The following SNX19 variants were observed in gnomAD, a reference collection of about 807,000 sequenced individuals.
SNX19 encodes sorting nexin 19, also known as sorting nexin-19.
Under a neutral mutation model 85.2 loss-of-function variants are expected in SNX19, and 60 were observed. That is an observed-to-expected ratio of 0.70 (90% CI 0.57 to 0.87). The LOEUF is 0.87. SNX19 is among the 40% of genes least tolerant of loss of function. SNX19 has a pLI of 0.00. For missense variants in SNX19, 1,201 were observed against 1,217.8 expected (o/e 0.99, Z 0.21); for synonymous variants, 520 against 470.0 (o/e 1.11, Z -1.38).
At position 130,874,026 on chromosome 11, in the gene SNX19, GTT is replaced by G. The variant is rs755484465; in HGVS notation, c.*4394_*4395del. Among the ~76,000 whole-genome samples, 1 of 113,192 alleles carries G rather than the reference GTT, an allele frequency of 8.8e-6. No homozygotes were observed. The allele number at this position is 113,192 out of a possible 152,430, so 74.3% of individuals were successfully genotyped here. On this transcript the variant is annotated 3_prime_UTR_variant, in exon 11 of 11. Transcript: ENST00000265909. The stretch of plus-strand genomic sequence containing the variant: ...GCCAATGAGTCATAAGAGGTTTTTT[GTT>G]TTTTTTTTTTTTATTTGGGGTCTCA...
rs1487630617 is a variant in SNX19 at position 130,911,648 on chromosome 11, G to A, written c.1798C>T (p.Arg600Ter). 3.7e-6 allele frequency: 6 copies of A among 1,613,990 alleles called. No individual in the cohort carries two copies. Among genetic ancestry groups the A allele is most frequent in the South Asian group, 2.2e-5 (2 of 91,078 alleles). The change falls in exon 2 of 11, where the codon CGA becomes TGA. Residue 600 changes from arginine to a stop codon, truncating the protein, a stop_gained. Coordinates refer to ENST00000265909, the MANE Select transcript of SNX19 (RefSeq NM_014758.3). LOFTEE classifies it high-confidence loss of function. ...AACTCCTGACTTTTGATGAACTTTCGTAGATCTGGTTTCTCCTCCAGACGG... is the reference window on the plus strand; with the variant it reads ...AACTCCTGACTTTTGATGAACTTTCATAGATCTGGTTTCTCCTCCAGACGG... ...QTRLEEKPDL[R>*]KFIKNVKGPK...
At chr11:130,892,579 C>T (rs1310413775) in intron 8 of SNX19, among the ~76,000 whole-genome samples, 1 of 152,204 alleles carries the variant, frequency 6.6e-6, no homozygotes, top group Non-Finnish European at 1.5e-5. Context: ...CCTCAGTTTT[C>T]TCACTTGTAA....
At chr11:130,912,754 G>A (rs12146655) in intron 1 of SNX19, among the ~76,000 whole-genome samples, 10,100 of 152,192 alleles carry the variant, frequency 0.066, 369 homozygotes, top group African/African-American at 0.083. Flanking sequence ...AAGAGCAACA[G>A]GTGGCATTCA....
chr11:130,911,886 A>C, intron 1 of SNX19, 115 bp from the exon 2 acceptor site: 1 of 978,674 alleles, frequency 1.0e-6, no homozygotes, highest in Non-Finnish European at 1.6e-6. Flanking sequence ...ACTAAGAACA[A>C]AGGGAGGGAG....
At chr11:130,888,521 C>T (rs1157025966) in intron 8 of SNX19, among the ~76,000 whole-genome samples, 1 of 152,172 alleles carries the variant, frequency 6.6e-6, no homozygotes, top group Admixed American at 6.5e-5. Context: ...CACAATGTAA[C>T]TACAACTGCA....
At chr11:130,888,893 C>G (rs1302735738) in intron 8 of SNX19, among the ~76,000 whole-genome samples, 1 of 152,144 alleles carries the variant, frequency 6.6e-6, no homozygotes, top group Non-Finnish European at 1.5e-5. Context: ...GCCAATTCTA[C>G]TTTAATCATG....
chr11:130,909,096 G>A (rs765144394), intron 4 of SNX19, among the ~76,000 whole-genome samples: 4 of 152,214 alleles, frequency 2.6e-5, no homozygotes, highest in African/African-American at 7.2e-5. Flanking sequence ...TCACAGAACT[G>A]TAGTCTGTGA....
intron 10 of SNX19, 139 bp from the exon 11 acceptor site, chr11:130,878,693 A>C: frequency 9.0e-7 from 1 of 1,112,604 alleles, no homozygotes; most frequent in Non-Finnish European, 1.2e-6. Flanking sequence ...CATGAAATTA[A>C]TGTTTTTTGA....
chr11:130,904,983 G>A (rs1393112617), intron 7 of SNX19, among the ~76,000 whole-genome samples: 1 of 152,178 alleles, frequency 6.6e-6, no homozygotes, highest in African/African-American at 2.4e-5. Flanking sequence ...GAGGCCCTCA[G>A]AAGAGATGTC....
Position 130,875,350 on chromosome 11 carries a change from G to T in SNX19, c.*3072C>A, listed in dbSNP as rs1943187016. Reference sequence around the variant, plus strand: ...GAACAGTGATTGCCAGAGGCTGGTGGGAGGGGAAACGAGGAGTGGCTGTTC... The same window carrying T: ...GAACAGTGATTGCCAGAGGCTGGTGTGAGGGGAAACGAGGAGTGGCTGTTC... On this transcript the variant is annotated 3_prime_UTR_variant, in exon 11 of 11. Coordinates refer to ENST00000265909, the MANE Select transcript of SNX19 (RefSeq NM_014758.3). 1 of 152,264 alleles carries T rather than the reference G, an allele frequency of 6.6e-6. No individual in the cohort carries two copies. Among genetic ancestry groups the T allele is most frequent in the South Asian group, 2.1e-4 (1 of 4,836 alleles). The allele number at this position is 152,264 out of a possible 1,614,324, so 9.4% of individuals were successfully genotyped here. A position where few individuals can be genotyped will look rare whatever the true frequency, so the allele number is the denominator to read the frequency against.
rs1944516731 is a variant in SNX19 at position 130,891,823 on chromosome 11, A to C, written c.2574-11017T>G. Among the ~76,000 whole-genome samples the C allele has an allele frequency of 4.6e-5, 7 of 150,888 alleles. No individual in the cohort carries two copies. In the Admixed American group the frequency reaches 4.7e-4, roughly 10 times the overall value. On this transcript the variant is annotated intron_variant, in intron 8 of 10. Coordinates refer to ENST00000265909, the MANE Select transcript of SNX19 (RefSeq NM_014758.3). ...ATATTTGAGTATTGTGACATGTTTA[A>C]GATTTCATTCTGAAAGTTTTTTCTT...
At chr11:130,885,796 GAA>G (rs1944017719) in intron 8 of SNX19, among the ~76,000 whole-genome samples, 1 of 152,178 alleles carries the variant, frequency 6.6e-6, no homozygotes, top group East Asian at 1.9e-4. Flanking sequence ...CAGTTCAAAG[GAA>G]AAGAGAAAGA....
intron 2 of SNX19, among the ~76,000 whole-genome samples, chr11:130,910,994 A>C (rs1169064918): frequency 6.6e-6 from 1 of 152,116 alleles, no homozygotes; most frequent in Admixed American, 6.6e-5. Context: ...CAGGAGTTCA[A>C]GACCAGCCTG....
rs758655328 is a variant in SNX19, at chr11:130,910,299, G to C, written c.1885C>G (p.Arg629Gly). ...AGGAATGATTCTAGGAGGCTCTTAC[G>C]GGCTTCTACTCTGTCACTGTCCATG... The part of the protein sequence containing the change: ...GNMDSDRVEA[R>G]KSLLESFLKQ... Residue 629 changes from arginine (R) to glycine (G), a missense_variant, in exon 3 of 11, where the codon CGT becomes GGT. By Grantham distance (125) the Arg-to-Gly change is moderately radical (BLOSUM62 -2). Coordinates refer to ENST00000265909, the MANE Select transcript of SNX19 (RefSeq NM_014758.3). 6.2e-7 allele frequency: 1 copy of C among 1,613,294 alleles called. No homozygotes were observed. The highest frequency in any genetic ancestry group is 1.3e-5 in the African/African-American group (1 of 74,772).
rs1162078682 is a variant in SNX19 at position 130,870,236 on chromosome 11, C to T, written c.*8186G>A. The T allele has an allele frequency of 6.6e-6, 1 of 152,184 alleles. No individual in the cohort carries two copies. Among genetic ancestry groups the T allele is most frequent in the Non-Finnish European group, 1.5e-5 (1 of 68,034 alleles). 9.4% of individuals were successfully genotyped at this position (152,184 alleles called of 1,614,324 possible). On this transcript the variant is annotated 3_prime_UTR_variant, in exon 11 of 11. Transcript: ENST00000265909. ...ATACAAGCTCTTGCCTCAGTCCTCT[C>T]CAGATTGCTAAAAGGAGGTGTATAA...
At position 130,872,403 on chromosome 11, in the gene SNX19, T is replaced by C. The variant is rs960052675; in HGVS notation, c.*6019A>G. 1.3e-5 allele frequency among the ~76,000 whole-genome samples: 2 copies of C among 152,160 alleles called. No homozygotes were observed. The highest frequency in any genetic ancestry group is 2.9e-5 in the Non-Finnish European group (2 of 68,030). On this transcript the variant is annotated 3_prime_UTR_variant, in exon 11 of 11. Coordinates refer to ENST00000265909, the MANE Select transcript of SNX19 (RefSeq NM_014758.3). ...CCAAGTCACAGAAGGAAAAAGATTCTGATGATTTTCACTTGTTTCACGCTT... is the reference window on the plus strand; with the variant it reads ...CCAAGTCACAGAAGGAAAAAGATTCCGATGATTTTCACTTGTTTCACGCTT...
In SNX19 at chr11:130,874,646, T is replaced by C. The variant is rs760627830; in HGVS notation, c.*3776A>G. Among the ~76,000 whole-genome samples the C allele has an allele frequency of 1.2e-4, 18 of 152,216 alleles. No individual in the cohort carries two copies. The highest frequency in any genetic ancestry group is 2.6e-4 in the Admixed American group (4 of 15,276). ...TTCTTGTCCAGAGCATCCTGATTCA[T>C]ATAGCCAGGGACCATAGTTACACAT... On this transcript the variant is annotated 3_prime_UTR_variant, in exon 11 of 11. Transcript: ENST00000265909.
At chr11:130,905,873 A>G (rs760709916) in intron 7 of SNX19, 80 bp downstream of exon 7, 7 of 1,609,434 alleles carry the variant, frequency 4.3e-6, no homozygotes, top group Non-Finnish European at 5.9e-6. Flanking sequence ...AATCAAAGTT[A>G]CAAACTCCAA....
chr11:130,893,281 A>C (rs1944627488), intron 8 of SNX19, among the ~76,000 whole-genome samples: 1 of 152,208 alleles, frequency 6.6e-6, no homozygotes. Context: ...GAGTGTGCTC[A>C]GCCATGATTT....
Sources: allele counts gnomAD v4.1 joint callset (sites outside exome capture counted in the v4.1 genomes callset), GRCh38; gene constraint gnomAD v4.1.1; transcripts MANE v1.5; gene names NCBI Gene and HGNC (gene_info 2026-07-23, HGNC 2026-07-21).